UBR3: variants seen among roughly 807,000 people sequenced by gnomAD.
UBR3 encodes E3 ubiquitin-protein ligase UBR3.
A neutral mutation model predicts 243.2 loss-of-function variants in UBR3; 85 were observed. That is an observed-to-expected ratio of 0.35 (90% CI 0.29 to 0.42). The LOEUF (loss-of-function observed/expected upper bound fraction) is 0.42, where lower values mean the gene tolerates loss of function less well. UBR3 is among the 10% of genes least tolerant of loss of function. The probability of loss-of-function intolerance (pLI) is 1.00; values close to 1 mark genes in which losing one functional copy is unlikely to be tolerated. For missense variants in UBR3, 1,686 were observed against 2,300.8 expected, an observed-to-expected ratio of 0.73 and a Z score of 5.47; for synonymous variants, 748 against 799.8, an observed-to-expected ratio of 0.94 and a Z score of 1.09.
chr2:169,855,248 T>C (rs966159499), intron 1 of UBR3, among the ~76,000 whole-genome samples: 6 of 152,256 alleles, frequency 3.9e-5, no homozygotes, highest in African/African-American at 1.4e-4. Context: ...TTTATACTTT[T>C]GATAAATTTT....
chr2:169,930,380 T>TG (rs930515286), intron 18 of UBR3, among the ~76,000 whole-genome samples: 2 of 151,228 alleles, frequency 1.3e-5, no homozygotes, highest in Non-Finnish European at 3.0e-5. Flanking sequence ...GGAAATTAGT[T>TG]GTTTTTTTTT....
At chr2:169,835,708 TG>T (rs1387603268) in intron 1 of UBR3, among the ~76,000 whole-genome samples, 1 of 152,170 alleles carries the variant, frequency 6.6e-6, no homozygotes, top group African/African-American at 2.4e-5. Flanking sequence ...CCCAAAGTGC[TG>T]GGATTACAGG....
rs374885450 is a variant in UBR3 at position 170,058,042 on chromosome 2, AC to A, written c.4785+2461del. On this transcript the variant is annotated intron_variant, in intron 33 of 38. Coordinates refer to ENST00000272793, the MANE Select transcript of UBR3 (RefSeq NM_172070.4). ...TGGTTTCCAAGGGGTGGTTCCTGGAACCCATCCATCATGGAAACTGGGAGAC... is the reference window on the plus strand; with the variant it reads ...TGGTTTCCAAGGGGTGGTTCCTGGAACCATCCATCATGGAAACTGGGAGAC... Among the ~76,000 whole-genome samples the A allele has an allele frequency of 1.6e-4, 25 of 152,258 alleles. No individual in the cohort carries two copies. The South Asian group carries it at 2.3e-3, about 14-fold the overall frequency.
intron 1 of UBR3, among the ~76,000 whole-genome samples, chr2:169,832,897 C>G (rs1233972158): frequency 2.0e-5 from 3 of 151,888 alleles, no homozygotes; most frequent in African/African-American, 7.3e-5. Context: ...CATGCCATTG[C>G]ACTCCAGCCT....
chr2:169,979,978 T>C (rs556492547), intron 24 of UBR3, among the ~76,000 whole-genome samples: 2 of 152,326 alleles, frequency 1.3e-5, no homozygotes, highest in Non-Finnish European at 2.9e-5. Flanking sequence ...GAACTTGTGA[T>C]GTATGAAACA....
chr2:170,059,033 T>G (rs1316583007), intron 33 of UBR3, among the ~76,000 whole-genome samples: 1 of 152,220 alleles, frequency 6.6e-6, no homozygotes, highest in Non-Finnish European at 1.5e-5. Flanking sequence ...CCCCTTAGGA[T>G]TCTTCTTATC....
intron 25 of UBR3, among the ~76,000 whole-genome samples, chr2:169,993,445 T>A (rs1219340548): frequency 6.6e-6 from 1 of 152,230 alleles, no homozygotes; most frequent in African/African-American, 2.4e-5. Flanking sequence ...TTCTTGTTAG[T>A]CTCCTGTAAT....
chr2:170,033,249 A>T (rs914491344), intron 31 of UBR3, among the ~76,000 whole-genome samples: 2 of 152,074 alleles, frequency 1.3e-5, no homozygotes, highest in African/African-American at 2.4e-5. Flanking sequence ...TAATTAATGG[A>T]CATTAGGATA....
At chr2:169,954,488 C>T (rs1407951246) in intron 23 of UBR3, among the ~76,000 whole-genome samples, 1 of 151,948 alleles carries the variant, frequency 6.6e-6, no homozygotes, top group Non-Finnish European at 1.5e-5. Flanking sequence ...AGTGATCCCC[C>T]CGCCTCAGCC....
At chr2:169,852,366 G>A (rs1380354993) in intron 1 of UBR3, among the ~76,000 whole-genome samples, 3 of 152,286 alleles carry the variant, frequency 2.0e-5, no homozygotes, top group East Asian at 1.9e-4. Flanking sequence ...CTTTTGGAAC[G>A]TGAGGTTGGC....
chr2:169,961,670 A>G (rs1417571105), intron 24 of UBR3, among the ~76,000 whole-genome samples: 1 of 152,178 alleles, frequency 6.6e-6, no homozygotes. Flanking sequence ...CATTTGATAA[A>G]AAGTCTGGTG....
intron 6 of UBR3, among the ~76,000 whole-genome samples, chr2:169,893,686 C>T (rs1385015756): frequency 2.0e-5 from 3 of 152,120 alleles, no homozygotes; most frequent in African/African-American, 7.2e-5. Flanking sequence ...CTCAACCTGC[C>T]GAGTAGTTGG....
Position 169,852,850 on chromosome 2 carries a change from CAAAAAAAAAA to C in UBR3, c.546-19367_546-19358del, listed in dbSNP as rs869283640. 3.9e-4 allele frequency among the ~76,000 whole-genome samples: 19 copies of C among 48,298 alleles called. No homozygotes were observed. In the East Asian group the frequency reaches 0.013, roughly 32 times the overall value. The allele number at this position is 48,298 out of a possible 152,430, so 31.7% of individuals were successfully genotyped here. A position where few individuals can be genotyped will look rare whatever the true frequency, so the allele number is the denominator to read the frequency against. ...TGGGTGAAAGAGTGAGACTTCATCTCAAAAAAAAAAAAAAAAAAAAAAAAAAAACAAAACC... is the reference window on the plus strand; with the variant it reads ...TGGGTGAAAGAGTGAGACTTCATCTCAAAAAAAAAAAAAAAAAACAAAACC... On this transcript the variant is annotated intron_variant, in intron 1 of 38. Transcript: ENST00000272793.
At chr2:169,871,869 G>T (rs2083451357) in intron 1 of UBR3, among the ~76,000 whole-genome samples, 2 of 152,064 alleles carry the variant, frequency 1.3e-5, no homozygotes, top group East Asian at 3.9e-4. Context: ...TTAGAAATAG[G>T]AAAAATGTAA....
chr2:169,836,021 CTCTCTCTCTCTCTCTCTCTCTCTATATA>C (rs1186558627), intron 1 of UBR3, among the ~76,000 whole-genome samples: 1 of 28,604 alleles, frequency 3.5e-5, no homozygotes, highest in African/African-American at 1.2e-4. Context: ...CTCTCTCTCT[CTCTCTCTCTCTCTCTCTCTCTCTATATA>C]TATATATATA....
rs1491293579 is a variant in UBR3 at position 169,852,883 on chromosome 2, A to AAC, written c.546-19353_546-19352insAC. On this transcript the variant is annotated intron_variant, in intron 1 of 38. Transcript: ENST00000272793. Reference sequence around the variant, plus strand: ...AAAAAAAAAAAAAAAAAAAAACAAAACCAAACAAATTGAGTCCTTTAAGAG... The same window carrying AAC: ...AAAAAAAAAAAAAAAAAAAAACAAAAACCCAAACAAATTGAGTCCTTTAAGAG... Among the ~76,000 whole-genome samples the AAC allele has an allele frequency of 1.7e-3, 103 of 59,826 alleles. 2 individuals carry two copies. Among genetic ancestry groups the AAC allele is most frequent in the Middle Eastern group, 9.8e-3 (1 of 102 alleles). 39.2% of individuals were successfully genotyped at this position (59,826 alleles called of 152,430 possible). A position where few individuals can be genotyped will look rare whatever the true frequency, so the allele number is the denominator to read the frequency against.
At chr2:169,883,443 C>CT (rs1272358823) in intron 5 of UBR3, among the ~76,000 whole-genome samples, 3 of 152,188 alleles carry the variant, frequency 2.0e-5, no homozygotes, top group Non-Finnish European at 4.4e-5. Context: ...TCACTTCATC[C>CT]TTTTTGTTAT....
chr2:169,890,567 G>GTGTGTGTGTGTATATATATATA (rs1475776277), intron 5 of UBR3, among the ~76,000 whole-genome samples: 1 of 59,560 alleles, frequency 1.7e-5, no homozygotes, highest in Admixed American at 1.7e-4. Flanking sequence ...ATATATATGT[G>GTGTGTGTGTGTATATATATATA]TATATATATA....
Position 170,061,135 on chromosome 2 carries a change from A to G in UBR3, c.4842A>G (p.Glu1614=). Residue 1614 remains glutamate, a synonymous_variant, in exon 34 of 39, where the codon GAA becomes GAG. Transcript: ENST00000272793. ...TATTACTGAGCTTTGTGATAAGTGA[A>G]CTATTTAAAGGAAAGTTATACCATG... ...YEVLLSFVIS[E]LFKGKLYHEE... The G allele has an allele frequency of 6.2e-7, 1 of 1,601,400 alleles. No individual in the cohort carries two copies. Among genetic ancestry groups the G allele is most frequent in the South Asian group, 1.1e-5 (1 of 87,078 alleles).
Sources: allele counts gnomAD v4.1 joint callset (sites outside exome capture counted in the v4.1 genomes callset), GRCh38; gene constraint gnomAD v4.1.1; transcripts MANE v1.5; gene names NCBI Gene and HGNC (gene_info 2026-07-23, HGNC 2026-07-21).